The following CDH12 variants were observed in gnomAD, a reference collection of about 807,000 sequenced individuals.
CDH12 encodes cadherin 12.
Under a neutral mutation model 74.1 loss-of-function variants are expected in CDH12, and 41 were observed. The ratio of observed to expected loss-of-function variants is 0.55; its 90% CI spans 0.43 to 0.72. The LOEUF (loss-of-function observed/expected upper bound fraction) is 0.72. CDH12 is among the 30% of genes least tolerant of loss of function. The probability of loss-of-function intolerance (pLI) is 0.00; values close to 1 mark genes in which losing one functional copy is unlikely to be tolerated. For synonymous variants in CDH12, 399 were observed against 355.0 expected (o/e 1.12, Z -1.39); for missense variants, 945 against 977.2 (o/e 0.97, Z 0.44).
At chr5:22,189,322 T>C (rs1327287506) in intron 4 of CDH12, among the ~76,000 whole-genome samples, 4 of 152,186 alleles carry the variant, frequency 2.6e-5, no homozygotes, top group Admixed American at 2.6e-4. Context: ...CACTAACAAT[T>C]GATTACAGTT....
intron 8 of CDH12, among the ~76,000 whole-genome samples, chr5:21,835,616 G>A (rs1749488336): frequency 6.6e-6 from 1 of 151,778 alleles, no homozygotes. Context: ...CATTTTCCAA[G>A]TTTAAGAATG....
At chr5:22,280,369 G>A (rs1580476160) in intron 3 of CDH12, among the ~76,000 whole-genome samples, 1 of 152,068 alleles carries the variant, frequency 6.6e-6, no homozygotes, top group Admixed American at 6.6e-5. Context: ...AAATAACTAA[G>A]ATCAGAGCAG....
intron 4 of CDH12, among the ~76,000 whole-genome samples, chr5:22,107,067 T>C (rs1744488627): frequency 6.6e-6 from 1 of 152,022 alleles, no homozygotes; most frequent in African/African-American, 2.4e-5. Flanking sequence ...CTGTGGCAAT[T>C]CAACTCCAAG....
intron 1 of CDH12, among the ~76,000 whole-genome samples, chr5:22,838,356 C>T (rs945990348): frequency 1.2e-4 from 18 of 152,264 alleles, no homozygotes; most frequent in African/African-American, 3.4e-4. Context: ...TGCACCCGTG[C>T]TTCAGGCAGC....
intron 9 of CDH12, among the ~76,000 whole-genome samples, chr5:21,813,357 G>A (rs1327468237): frequency 1.3e-5 from 2 of 152,070 alleles, no homozygotes; most frequent in African/African-American, 4.8e-5. Context: ...GCAGGCACCT[G>A]TAATCCCAAC....
chr5:21,912,957 C>G (rs1190294653), intron 6 of CDH12, among the ~76,000 whole-genome samples: 1 of 152,132 alleles, frequency 6.6e-6, no homozygotes, highest in East Asian at 1.9e-4. Context: ...ATTCTTGAGC[C>G]TTAGCCTCCC....
intron 1 of CDH12, among the ~76,000 whole-genome samples, chr5:22,700,797 T>C (rs1742674494): frequency 6.6e-6 from 1 of 152,222 alleles, no homozygotes; most frequent in African/African-American, 2.4e-5. Flanking sequence ...TATATCTGAA[T>C]GACCAGGTAA....
At chr5:21,848,779 T>C (rs1025248635) in intron 7 of CDH12, among the ~76,000 whole-genome samples, 1 of 151,898 alleles carries the variant, frequency 6.6e-6, no homozygotes, top group African/African-American at 2.4e-5. Flanking sequence ...GAGTTCTTTC[T>C]TCCAGAAGCT....
At chr5:21,809,561 T>G (rs1401038154) in intron 9 of CDH12, among the ~76,000 whole-genome samples, 1 of 152,168 alleles carries the variant, frequency 6.6e-6, no homozygotes, top group African/African-American at 2.4e-5. Context: ...CTTCCTTCTT[T>G]GAGCTTCAGC....
intron 1 of CDH12, among the ~76,000 whole-genome samples, chr5:22,555,433 C>A (rs1473783480): frequency 6.6e-6 from 1 of 151,760 alleles, no homozygotes; most frequent in East Asian, 1.9e-4. Context: ...AAATGAAATG[C>A]CATCTCTTTA....
intron 4 of CDH12, among the ~76,000 whole-genome samples, chr5:22,203,673 T>A (rs1751043416): frequency 6.6e-6 from 1 of 152,172 alleles, no homozygotes; most frequent in South Asian, 2.1e-4. Context: ...ACCTTCCTAC[T>A]CTTGCCTATA....
intron 1 of CDH12, among the ~76,000 whole-genome samples, chr5:22,535,505 ATTCT>A (rs771914935): frequency 4.6e-5 from 7 of 152,156 alleles, no homozygotes; most frequent in Non-Finnish European, 8.8e-5. Flanking sequence ...AGAAAAACAG[ATTCT>A]TTATTATAAT....
At chr5:22,794,531 C>T (rs1748089193) in intron 1 of CDH12, among the ~76,000 whole-genome samples, 1 of 152,026 alleles carries the variant, frequency 6.6e-6, no homozygotes, top group African/African-American at 2.4e-5. Context: ...GAAAGCTGTT[C>T]AGTAATGAGA....
intron 6 of CDH12, among the ~76,000 whole-genome samples, chr5:21,960,035 C>T (rs1756286573): frequency 6.6e-6 from 1 of 151,750 alleles, no homozygotes. Context: ...CAGGAACACC[C>T]AGATTCATAA....
In CDH12 at chr5:22,016,012, A is replaced by G. The variant is rs569703009; in HGVS notation, c.232-40627T>C. On this transcript the variant is annotated intron_variant, in intron 5 of 14. Transcript: ENST00000382254. ...ATCTTATTAAGTAGGACAGCATCAT[A>G]GTTACACAATAATCTCTTTAGAAAT... 1.8e-4 allele frequency among the ~76,000 whole-genome samples: 27 copies of G among 152,292 alleles called. No individual in the cohort carries two copies. In the South Asian group the frequency reaches 5.4e-3, roughly 30 times the overall value.
At chr5:22,765,456 T>A (rs72748743) in intron 1 of CDH12, among the ~76,000 whole-genome samples, 16 of 151,570 alleles carry the variant, frequency 1.1e-4, no homozygotes, top group African/African-American at 3.6e-4. Context: ...ATCTCTCTTT[T>A]GGCCTGTACA....
chr5:22,804,580 T>TTTGATGCATC (rs1748691692), intron 1 of CDH12, among the ~76,000 whole-genome samples: 1 of 152,158 alleles, frequency 6.6e-6, no homozygotes, highest in Non-Finnish European at 1.5e-5. Flanking sequence ...AGCCTTGAGG[T>TTTGATGCATC]AGACCACCTT....
intron 1 of CDH12, among the ~76,000 whole-genome samples, chr5:22,800,558 A>C (rs553760014): frequency 6.6e-6 from 1 of 152,246 alleles, no homozygotes; most frequent in Admixed American, 6.5e-5. Context: ...TGACACAATC[A>C]ATGTTTATAG....
intron 8 of CDH12, among the ~76,000 whole-genome samples, chr5:21,836,462 AACACACACACAC>A (rs60658949): frequency 1.4e-5 from 2 of 143,526 alleles, no homozygotes; most frequent in South Asian, 2.2e-4. Context: ...TAGAAAGGAA[AACACACACACAC>A]ACACACACAC....
Sources: gnomAD v4.1 joint callset for allele counts (sites outside exome capture counted in the v4.1 genomes callset) on GRCh38, gnomAD v4.1.1 for gene constraint, MANE v1.5 for transcripts, NCBI Gene and HGNC (gene_info 2026-07-23, HGNC 2026-07-21) for gene names.